The following JAZF1 variants were observed in gnomAD, a reference collection of about 807,000 sequenced individuals.
JAZF1 encodes juxtaposed with another zinc finger protein 1.
JAZF1 carries 8 observed loss-of-function variants against 26.4 expected under a neutral mutation model. The observed-to-expected ratio is 0.30, with a 90% CI of 0.18 to 0.55. The LOEUF (loss-of-function observed/expected upper bound fraction) is 0.55. JAZF1 is among the 20% of genes least tolerant of loss of function. The pLI, the probability that JAZF1 is intolerant of heterozygous loss-of-function variation, is 0.94. For missense variants in JAZF1, 199 were observed against 322.0 expected (o/e 0.62, Z 2.92); for synonymous variants, 126 against 122.3 (o/e 1.03, Z -0.20).
chr7:27,975,909 T>C (rs1252369547), intron 2 of JAZF1, among the ~76,000 whole-genome samples: 1 of 152,186 alleles, frequency 6.6e-6, no homozygotes, highest in Non-Finnish European at 1.5e-5. Context: ...TCCTAACAAA[T>C]GAATCACATC....
chr7:27,916,541 G>A (rs1784445138), intron 2 of JAZF1, among the ~76,000 whole-genome samples: 3 of 152,062 alleles, frequency 2.0e-5, no homozygotes, highest in Non-Finnish European at 2.9e-5. Flanking sequence ...TGAACTCAGG[G>A]CCAACAGTAC....
intron 1 of JAZF1, among the ~76,000 whole-genome samples, chr7:28,011,104 C>T (rs1386767804): frequency 6.6e-6 from 1 of 152,026 alleles, no homozygotes; most frequent in Non-Finnish European, 1.5e-5. Flanking sequence ...ATTGCCGCAA[C>T]CCAAGAAAAT....
At chr7:28,053,711 G>C (rs1157569711) in intron 1 of JAZF1, among the ~76,000 whole-genome samples, 1 of 152,168 alleles carries the variant, frequency 6.6e-6, no homozygotes, top group Admixed American at 6.5e-5. Flanking sequence ...AAATGAAATA[G>C]CTTTTCTTAA....
rs1323339329 is a variant in JAZF1, at chr7:27,895,217, C to T, written c.385+3G>A. 6.3e-7 allele frequency: 1 copy of T among 1,589,470 alleles called. No individual in the cohort carries two copies. The highest frequency in any genetic ancestry group is 8.6e-7 in the Non-Finnish European group (1 of 1,167,372). ...CTCAAGGCGGTAGGGCCAGGCCACT[C>T]ACCTGTCGGAGTGCTGCTGCGGAAT... On this transcript the variant is annotated splice_donor_region_variant and intron_variant, in intron 3 of 4. Coordinates refer to ENST00000283928, the MANE Select transcript of JAZF1 (RefSeq NM_175061.4).
chr7:28,063,596 A>G (rs1783833705), intron 1 of JAZF1, among the ~76,000 whole-genome samples: 2 of 152,204 alleles, frequency 1.3e-5, no homozygotes, highest in African/African-American at 4.8e-5. Context: ...TATCTTTAAG[A>G]ATAGTTTCAT....
chr7:27,863,101 A>G (rs1783411675), intron 3 of JAZF1, among the ~76,000 whole-genome samples: 2 of 152,204 alleles, frequency 1.3e-5, no homozygotes, highest in Admixed American at 6.5e-5. Context: ...CACTACTGAC[A>G]TTTCCAATTT....
At chr7:27,908,165 A>G (rs1784295839) in intron 2 of JAZF1, among the ~76,000 whole-genome samples, 1 of 152,238 alleles carries the variant, frequency 6.6e-6, no homozygotes, top group South Asian at 2.1e-4. Flanking sequence ...TTCAGATAAC[A>G]GCATCTATTC....
chr7:27,850,375 T>C (rs921120742), intron 3 of JAZF1, among the ~76,000 whole-genome samples: 1 of 152,214 alleles, frequency 6.6e-6, no homozygotes, highest in Non-Finnish European at 1.5e-5. Context: ...TACTGGAATG[T>C]CATTCTCCCC....
At chr7:27,908,399 C>T (rs1784300262) in intron 2 of JAZF1, among the ~76,000 whole-genome samples, 1 of 152,136 alleles carries the variant, frequency 6.6e-6, no homozygotes, top group Admixed American at 6.5e-5. Context: ...TGCATGTGGG[C>T]ATCTCAAGCT....
In JAZF1 at chr7:28,032,331, T is replaced by C. The variant is rs551971742; in HGVS notation, c.116-40350A>G. Among the ~76,000 whole-genome samples, 14 of 152,288 alleles carry C rather than the reference T, an allele frequency of 9.2e-5. No homozygotes were observed. In the East Asian group the frequency reaches 2.7e-3, roughly 29 times the overall value. On this transcript the variant is annotated intron_variant, in intron 1 of 4. Coordinates refer to ENST00000283928, the MANE Select transcript of JAZF1 (RefSeq NM_175061.4). ...AAATATGGACTCTGAAAATACTAGT[T>C]CAGAACTAAATAAATAGATCTGCAA...
intron 2 of JAZF1, among the ~76,000 whole-genome samples, chr7:27,898,653 C>A (rs1784112868): frequency 6.6e-6 from 1 of 152,092 alleles, no homozygotes; most frequent in African/African-American, 2.4e-5. Context: ...ACAACCATAA[C>A]AACATTCACA....
intron 1 of JAZF1, among the ~76,000 whole-genome samples, chr7:28,161,257 T>TAAAAAA (rs10630786): frequency 2.6e-4 from 20 of 77,128 alleles, no homozygotes; most frequent in East Asian, 8.7e-4. Flanking sequence ...TCCTTTAATC[T>TAAAAAA]AAAAAAAAAA....
intron 1 of JAZF1, among the ~76,000 whole-genome samples, chr7:28,125,146 C>CTTTT (rs35830575): frequency 1.5e-5 from 2 of 136,150 alleles, no homozygotes; most frequent in Admixed American, 7.4e-5. Flanking sequence ...GGGAAGATTG[C>CTTTT]TTTTTTTTTT....
At chr7:28,090,447 T>C (rs1784275879) in intron 1 of JAZF1, among the ~76,000 whole-genome samples, 1 of 152,240 alleles carries the variant, frequency 6.6e-6, no homozygotes, top group Admixed American at 6.5e-5. Context: ...CATTATTAAA[T>C]CAAAGCATAA....
At chr7:27,895,458 G>C (rs754050387) in intron 2 of JAZF1, 42 bp from the exon 3 acceptor site, 4 of 1,437,578 alleles carry the variant, frequency 2.8e-6, no homozygotes, top group Non-Finnish European at 2.8e-6. Context: ...GCCATGTATA[G>C]AGCATGAGGA....
intron 4 of JAZF1, 177 bp from the exon 5 acceptor site, chr7:27,833,153 G>A (rs1042033884): frequency 2.6e-5 from 11 of 415,860 alleles, no homozygotes; most frequent in Non-Finnish European, 4.3e-5. Flanking sequence ...GTCATGGGCT[G>A]TACGGATGGT....
intron 1 of JAZF1, among the ~76,000 whole-genome samples, chr7:28,040,705 T>A (rs976137089): frequency 6.6e-6 from 1 of 152,092 alleles, no homozygotes; most frequent in Non-Finnish European, 1.5e-5. Flanking sequence ...GAGTTTTAGA[T>A]ACCCACTTAA....
At chr7:27,890,642 T>C (rs1783956844) in intron 3 of JAZF1, among the ~76,000 whole-genome samples, 2 of 152,202 alleles carry the variant, frequency 1.3e-5, no homozygotes, top group African/African-American at 4.8e-5. Context: ...TATCTGTACA[T>C]GGGAATAATA....
In JAZF1 at chr7:27,840,629, G is replaced by T. The variant is rs955411501; in HGVS notation, c.555+69C>A. ...TACGCTCGCTTTAAAATCAAGAAAG[G>T]GCTGCTGCCTTCCATGAAGCTTGCC... On this transcript the variant is annotated intron_variant, in intron 4 of 4. Coordinates refer to ENST00000283928, the MANE Select transcript of JAZF1 (RefSeq NM_175061.4). The surrounding 1 kb of genome is among the most constrained non-coding windows in gnomAD (Gnocchi z 5.1). 3 of 1,510,308 alleles carry T rather than the reference G, an allele frequency of 2.0e-6. No homozygotes were observed. Among genetic ancestry groups the T allele is most frequent in the African/African-American group, 2.8e-5 (2 of 72,476 alleles). The allele number at this position is 1,510,308 out of a possible 1,614,324, so 93.6% of individuals were successfully genotyped here.
Sources: allele counts gnomAD v4.1 joint callset (sites outside exome capture counted in the v4.1 genomes callset), GRCh38; gene constraint gnomAD v4.1.1; non-coding constraint Gnocchi (gnomAD v3.1); transcripts MANE v1.5; gene names NCBI Gene and HGNC (gene_info 2026-07-23, HGNC 2026-07-21).